CYRIB: variants seen among roughly 807,000 people sequenced by gnomAD.
The protein encoded by CYRIB is CYFIP related Rac1 interactor B.
Under a neutral mutation model 44.2 loss-of-function variants are expected in CYRIB, and 8 were observed. The observed-to-expected ratio is 0.18, with a 90% CI of 0.11 to 0.33. The LOEUF is 0.33. CYRIB is among the 10% of genes least tolerant of loss of function. The pLI is 1.00. For synonymous variants in CYRIB, 131 were observed against 127.2 expected (o/e 1.03, Z -0.20); for missense variants, 185 against 382.8 (o/e 0.48, Z 4.31).
At chr8:129,883,560 T>G (rs2061594103) in intron 2 of CYRIB, among the ~76,000 whole-genome samples, 1 of 152,108 alleles carries the variant, frequency 6.6e-6, no homozygotes, top group African/African-American at 2.4e-5. Flanking sequence ...AACAAAAAAT[T>G]AAAACCATAA....
intron 1 of CYRIB, among the ~76,000 whole-genome samples, chr8:129,997,984 G>T (rs1220253049): frequency 6.6e-6 from 1 of 151,942 alleles, no homozygotes; most frequent in Non-Finnish European, 1.5e-5. Context: ...AGCTGGGCGT[G>T]ATAGTGCACG....
chr8:130,011,339 G>C (rs769203892), intron 1 of CYRIB, among the ~76,000 whole-genome samples: 1 of 151,502 alleles, frequency 6.6e-6, no homozygotes, highest in Admixed American at 6.6e-5. Flanking sequence ...TGGCCAATAT[G>C]GGGAAACCCT....
intron 1 of CYRIB, among the ~76,000 whole-genome samples, chr8:129,983,415 A>T (rs1303619620): frequency 6.6e-6 from 1 of 152,250 alleles, no homozygotes; most frequent in Non-Finnish European, 1.5e-5. Flanking sequence ...ACTGCACTCC[A>T]GCCAGGGCGA....
At chr8:129,973,951 GC>G (rs2095817248) in intron 1 of CYRIB, among the ~76,000 whole-genome samples, 1 of 152,122 alleles carries the variant, frequency 6.6e-6, no homozygotes, top group African/African-American at 2.4e-5. Context: ...TAAGCTTTAA[GC>G]TACCTGAGGG....
At chr8:129,955,547 A>G (rs1239410727) in intron 2 of CYRIB, among the ~76,000 whole-genome samples, 2 of 152,184 alleles carry the variant, frequency 1.3e-5, no homozygotes, top group African/African-American at 2.4e-5. Context: ...TAAGCATTTC[A>G]AGGTAACTTA....
At chr8:129,868,904 A>C (rs953823049) in intron 4 of CYRIB, among the ~76,000 whole-genome samples, 8 of 150,886 alleles carry the variant, frequency 5.3e-5, no homozygotes, top group African/African-American at 1.5e-4. Context: ...AAAAAAAAAA[A>C]AAAAAAACCC....
chr8:129,871,550 A>G, intron 3 of CYRIB, 54 bp from the exon 6 acceptor site: 1 of 1,582,416 alleles, frequency 6.3e-7, no homozygotes, highest in Non-Finnish European at 8.6e-7. Flanking sequence ...TTTTTAAAAT[A>G]CATGTGTAAC....
intron 1 of CYRIB, among the ~76,000 whole-genome samples, chr8:129,911,760 A>G (rs1298107501): frequency 4.6e-5 from 7 of 152,200 alleles, no homozygotes; most frequent in Non-Finnish European, 7.4e-5. Context: ...CAAGGGCTAA[A>G]TTAAAAGGCT....
chr8:129,946,806 G>T (rs1486686664), intron 2 of CYRIB, among the ~76,000 whole-genome samples: 2 of 152,094 alleles, frequency 1.3e-5, no homozygotes, highest in African/African-American at 2.4e-5. Context: ...CCCTTCAGGT[G>T]ACCTGCAGGA....
intron 1 of CYRIB, among the ~76,000 whole-genome samples, chr8:129,990,526 A>G (rs941788459): frequency 6.7e-6 from 1 of 149,956 alleles, no homozygotes; most frequent in African/African-American, 2.5e-5. Flanking sequence ...GTGTGTGTAT[A>G]TATTTTTTTT....
intron 1 of CYRIB, among the ~76,000 whole-genome samples, chr8:129,983,860 C>G (rs1000199375): frequency 6.6e-6 from 1 of 152,326 alleles, no homozygotes; most frequent in African/African-American, 2.4e-5. Flanking sequence ...GAAGCGCTGC[C>G]CCATAAAGCC....
At chr8:129,929,256 GAAGGA>G (rs2089862489) in intron 1 of CYRIB, among the ~76,000 whole-genome samples, 1 of 151,966 alleles carries the variant, frequency 6.6e-6, no homozygotes, top group Non-Finnish European at 1.5e-5. Flanking sequence ...GAGAGTGTGA[GAAGGA>G]AAGAGGGAGA....
intron 1 of CYRIB, among the ~76,000 whole-genome samples, chr8:129,919,670 T>A (rs1056598921): frequency 1.3e-5 from 2 of 152,104 alleles, no homozygotes; most frequent in Non-Finnish European, 1.5e-5. Context: ...ACTAACAACT[T>A]CCAAAGACAT....
chr8:129,940,971 C>T (rs2093648756), upstream of CYRIB, among the ~76,000 whole-genome samples: 1 of 152,136 alleles, frequency 6.6e-6, no homozygotes, highest in South Asian at 2.1e-4. Flanking sequence ...TAACTATCTG[C>T]GCCTTACTCT....
At chr8:130,009,852 G>T (rs145271863) in intron 1 of CYRIB, among the ~76,000 whole-genome samples, 477 of 152,334 alleles carry the variant, frequency 3.1e-3, no homozygotes, top group African/African-American at 0.011. Flanking sequence ...GTCATGCAGC[G>T]CTGAGAAGCA....
At chr8:129,977,664 C>T (rs370066905) in intron 1 of CYRIB, among the ~76,000 whole-genome samples, 22 of 151,880 alleles carry the variant, frequency 1.4e-4, no homozygotes, top group South Asian at 8.3e-4. Context: ...CCCAAGTAGC[C>T]GGGACTACAG....
At chr8:129,899,646 G>C (rs1362596342) in intron 2 of CYRIB, among the ~76,000 whole-genome samples, 1 of 152,172 alleles carries the variant, frequency 6.6e-6, no homozygotes, top group Admixed American at 6.5e-5. Context: ...ACAGAGCATT[G>C]CAATAGGAAT....
chr8:129,859,342 A>G (rs2047990018), intron 5 of CYRIB, among the ~76,000 whole-genome samples: 1 of 152,174 alleles, frequency 6.6e-6, no homozygotes, highest in South Asian at 2.1e-4. Context: ...AAGGCGGACT[A>G]GGAGCGCGAC....
chr8:129,920,485 A>G (rs558615362), intron 1 of CYRIB, among the ~76,000 whole-genome samples: 10 of 152,240 alleles, frequency 6.6e-5, no homozygotes, highest in African/African-American at 2.4e-4. Flanking sequence ...GATTTTGGCT[A>G]TTTCTTTATT....
Sources: gnomAD v4.1 joint callset for allele counts (sites outside exome capture counted in the v4.1 genomes callset) on GRCh38, gnomAD v4.1.1 for gene constraint, MANE v1.5 for transcripts, NCBI Gene and HGNC (gene_info 2026-07-23, HGNC 2026-07-21) for gene names.